ARHGAP32: variants seen among roughly 807,000 people sequenced by gnomAD.
The protein encoded by ARHGAP32 is Rho GTPase activating protein 32, also known as rho GTPase-activating protein 32.
In ARHGAP32, 51 loss-of-function variants were observed where a neutral mutation model predicts 186.5. The observed-to-expected ratio is 0.27, with a 90% CI of 0.22 to 0.35. The LOEUF is 0.35. ARHGAP32 is among the 10% of genes least tolerant of loss of function. The pLI is 1.00. For synonymous variants in ARHGAP32, 950 were observed against 964.3 expected (o/e 0.99, Z 0.27); for missense variants, 2,186 against 2,623.5 (o/e 0.83, Z 3.64).
chr11:128,999,102 A>T (rs868386021), intron 11 of ARHGAP32, among the ~76,000 whole-genome samples: 2 of 152,230 alleles, frequency 1.3e-5, no homozygotes, highest in Non-Finnish European at 2.9e-5. Flanking sequence ...GGCAGAACAG[A>T]GTCATATTTC....
At chr11:129,171,877 G>A (rs1943769781) in intron 1 of ARHGAP32, among the ~76,000 whole-genome samples, 1 of 152,078 alleles carries the variant, frequency 6.6e-6, no homozygotes, top group South Asian at 2.1e-4. Context: ...CCTTGAAGAG[G>A]CCCTTCACAT....
chr11:129,177,075 A>G (rs1315092347), intron 1 of ARHGAP32, among the ~76,000 whole-genome samples: 22 of 150,256 alleles, frequency 1.5e-4, no homozygotes, highest in South Asian at 4.2e-4. Context: ...GAAGAATCAA[A>G]TAGACGCAAT....
chr11:129,008,882 C>T (rs1028556918), intron 11 of ARHGAP32, among the ~76,000 whole-genome samples: 2 of 152,150 alleles, frequency 1.3e-5, no homozygotes, highest in East Asian at 1.9e-4. Context: ...CATATAATAT[C>T]ACTATATTAA....
intron 5 of ARHGAP32, among the ~76,000 whole-genome samples, chr11:129,118,844 C>G (rs1335617472): frequency 6.6e-6 from 1 of 151,908 alleles, no homozygotes; most frequent in Non-Finnish European, 1.5e-5. Flanking sequence ...CCAACAAACA[C>G]AGATGCAGAA....
intron 11 of ARHGAP32, among the ~76,000 whole-genome samples, chr11:129,039,301 G>A (rs1188538043): frequency 1.3e-5 from 2 of 152,132 alleles, no homozygotes; most frequent in African/African-American, 4.8e-5. Flanking sequence ...ATTCAGAGAA[G>A]CCAAAAATGG....
intron 10 of ARHGAP32, among the ~76,000 whole-genome samples, chr11:129,056,478 T>A (rs1591573479): frequency 6.6e-6 from 1 of 151,942 alleles, no homozygotes; most frequent in Non-Finnish European, 1.5e-5. Context: ...AATTCCGGGG[T>A]CCAAGCAATC....
intron 10 of ARHGAP32, among the ~76,000 whole-genome samples, chr11:129,055,243 G>A (rs1473622220): frequency 6.6e-6 from 1 of 152,164 alleles, no homozygotes; most frequent in Non-Finnish European, 1.5e-5. Flanking sequence ...TTATGTGTTG[G>A]ACCTATTAGA....
At chr11:129,255,715 A>G (rs545588728) in intron 1 of ARHGAP32, among the ~76,000 whole-genome samples, 9 of 152,184 alleles carry the variant, frequency 5.9e-5, no homozygotes, top group Admixed American at 2.0e-4. Context: ...AGGCATAAAC[A>G]GGCACTTCAC....
chr11:128,981,566 G>A lies in ARHGAP32; in HGVS notation c.1635-5C>T. 6.2e-7 allele frequency: 1 copy of A among 1,605,436 alleles called. No homozygotes were observed. The highest frequency in any genetic ancestry group is 1.1e-5 in the South Asian group (1 of 90,216). On this transcript the variant is annotated splice_polypyrimidine_tract_variant and splice_region_variant and intron_variant, in intron 16 of 22. Coordinates refer to ENST00000682385, the MANE Select transcript of ARHGAP32 (RefSeq NM_001378024.1). The stretch of plus-strand genomic sequence containing the variant: ...GCAGATTCTATCTGTTTTGATCTGT[G>A]AGGTAAACATTTTCATCACAGAGTT...
chr11:129,215,822 C>T (rs966720392), intron 1 of ARHGAP32, among the ~76,000 whole-genome samples: 1 of 152,148 alleles, frequency 6.6e-6, no homozygotes, highest in Non-Finnish European at 1.5e-5. Flanking sequence ...ACCTCCATGT[C>T]CTAATCCCTA....
intron 14 of ARHGAP32, 112 bp downstream of exon 14, chr11:128,986,412 T>C: frequency 1.7e-6 from 2 of 1,182,290 alleles, no homozygotes; most frequent in Middle Eastern, 2.8e-4. Flanking sequence ...TAAGGAGTCA[T>C]TTCAGTCACA....
chr11:129,058,463 T>G (rs368889450), intron 10 of ARHGAP32, among the ~76,000 whole-genome samples: 1 of 152,344 alleles, frequency 6.6e-6, no homozygotes, highest in African/African-American at 2.4e-5. Flanking sequence ...CTATTAACTT[T>G]AGACTGTTGG....
intron 12 of ARHGAP32, among the ~76,000 whole-genome samples, chr11:128,993,065 T>C (rs1308263778): frequency 3.3e-5 from 5 of 152,212 alleles, no homozygotes; most frequent in Admixed American, 3.3e-4. Context: ...ATGTGATTTC[T>C]TACAACACTT....
In ARHGAP32 at chr11:128,972,881, C is replaced by T. The variant is rs1294717350; in HGVS notation, c.3625G>A (p.Val1209Ile). 1.9e-6 allele frequency: 3 copies of T among 1,613,840 alleles called. No individual in the cohort carries two copies. Among genetic ancestry groups the T allele is most frequent in the Non-Finnish European group, 2.5e-6 (3 of 1,180,022 alleles). ...DQSGKNSMPT[V>I]SFLDQDQSPP... The stretch of plus-strand genomic sequence containing the variant: ...GACTGGTCCTGATCCAAGAAGGAGA[C>T]AGTTGGCATACTGTTCTTCCCAGAC... Residue 1209 changes from valine (V) to isoleucine (I), a missense_variant, in exon 22 of 23, where the codon GTC (valine) becomes ATC (isoleucine). Physicochemically the swap from Val to Ile is conservative, Grantham distance 29. Around this residue, in one of 5 missense-constraint regions of ARHGAP32, gnomAD observed 1,502 missense variants for 1,570.0 expected, o/e 0.96. Coordinates refer to ENST00000682385, the MANE Select transcript of ARHGAP32 (RefSeq NM_001378024.1).
At chr11:129,233,414 A>G (rs375500923) in intron 1 of ARHGAP32, among the ~76,000 whole-genome samples, 4 of 152,308 alleles carry the variant, frequency 2.6e-5, no homozygotes, top group African/African-American at 7.2e-5. Flanking sequence ...CAGGCGATAC[A>G]AAATGACAAA....
intron 1 of ARHGAP32, among the ~76,000 whole-genome samples, chr11:129,242,863 TA>T (rs1945037870): frequency 6.6e-6 from 1 of 152,104 alleles, no homozygotes; most frequent in African/African-American, 2.4e-5. Flanking sequence ...GAAATTGTAA[TA>T]AAGTGGTTCT....
chr11:129,148,652 AT>A (rs1222872962), intron 2 of ARHGAP32, among the ~76,000 whole-genome samples: 1 of 152,126 alleles, frequency 6.6e-6, no homozygotes, highest in Admixed American at 6.5e-5. Flanking sequence ...ATTGCTTCAG[AT>A]ACAAACGTAG....
chr11:129,200,045 C>T (rs1268766989), intron 1 of ARHGAP32, among the ~76,000 whole-genome samples: 2 of 152,084 alleles, frequency 1.3e-5, no homozygotes, highest in Non-Finnish European at 2.9e-5. Flanking sequence ...GCCCTGTAGC[C>T]CCTTTGGTTT....
At position 128,972,953 on chromosome 11, in the gene ARHGAP32, A is replaced by G. The variant is rs1945431968; in HGVS notation, c.3553T>C (p.Leu1185=). 6.2e-7 allele frequency: 1 copy of G among 1,614,056 alleles called. No individual in the cohort carries two copies. The highest frequency in any genetic ancestry group is 8.5e-7 in the Non-Finnish European group (1 of 1,180,020). ...TGATCATCAGACTTCTCTGAGTCTA[A>G]GGGAACTGAAGTAATTCTGGCCTTT... is the stretch of plus-strand genomic sequence containing the variant. ...PEKARITSVP[L]DSEKSDDHVS... Residue 1185 remains leucine (L), a synonymous_variant, in exon 22 of 23, where the codon TTA becomes CTA. Transcript: ENST00000682385.
Sources: gnomAD v4.1 joint callset for allele counts (sites outside exome capture counted in the v4.1 genomes callset) on GRCh38, gnomAD v4.1.1 for gene constraint, gnomAD v4.1.1 regional missense constraint, MANE v1.5 for transcripts, NCBI Gene and HGNC (gene_info 2026-07-23, HGNC 2026-07-21) for gene names.